Variants in GBE1 observed in about 807,000 individuals in gnomAD.
GBE1 encodes 1,4-alpha-glucan-branching enzyme.
In GBE1, 70 loss-of-function variants were observed where a neutral mutation model predicts 88.8. The observed-to-expected ratio is 0.79, with a 90% CI of 0.65 to 0.96. The LOEUF is 0.96. Ranked by LOEUF, GBE1 falls within the 40% of genes least tolerant of loss-of-function variation. The pLI is 0.00. For synonymous variants in GBE1, 284 were observed against 300.1 expected (o/e 0.95, Z 0.56); for missense variants, 872 against 871.0 (o/e 1.00, Z -0.01).
chr3:81,691,142 A>G (rs1705513010), intron 2 of GBE1, among the ~76,000 whole-genome samples: 1 of 152,142 alleles, frequency 6.6e-6, no homozygotes, highest in Non-Finnish European at 1.5e-5. Context: ...GCCTAACATG[A>G]CCATGCCTTC....
rs115182479 is a variant in GBE1 at position 81,547,859 on chromosome 3, G to A, written c.1619-10764C>T. 4.7e-3 allele frequency among the ~76,000 whole-genome samples: 707 copies of A among 151,424 alleles called. 13 individuals are homozygous for A. The highest frequency in any genetic ancestry group is 0.015 in the African/African-American group (640 of 41,424). On this transcript the variant is annotated intron_variant, in intron 12 of 15. Coordinates refer to ENST00000429644, the MANE Select transcript of GBE1 (RefSeq NM_000158.4). ...TATCTTAGGATAGAATGTTGGCCTA[G>A]GACACCATAAGCTTGCTGTTCAAAA...
At chr3:81,585,314 C>A (rs769026727) in intron 10 of GBE1, among the ~76,000 whole-genome samples, 4 of 151,974 alleles carry the variant, frequency 2.6e-5, no homozygotes, top group Non-Finnish European at 5.9e-5. Context: ...CAAAATTAAG[C>A]CCTTCTACAA....
At chr3:81,712,859 C>A (rs1705889045) in intron 1 of GBE1, among the ~76,000 whole-genome samples, 2 of 151,840 alleles carry the variant, frequency 1.3e-5, no homozygotes, top group South Asian at 4.2e-4. Context: ...AAAAAGACTG[C>A]ATGTGTCTCA....
Position 81,705,408 on chromosome 3 carries a change from A to G in GBE1, c.313+36T>C, listed in dbSNP as rs370014810. 10 of 1,350,956 alleles carry G rather than the reference A, an allele frequency of 7.4e-6. No homozygotes were observed. In the African/African-American group the frequency reaches 1.5e-4, roughly 20 times the overall value. 83.7% of individuals were successfully genotyped at this position (1,350,956 alleles called of 1,614,324 possible). On this transcript the variant is annotated intron_variant, in intron 2 of 15. Coordinates refer to ENST00000429644, the MANE Select transcript of GBE1 (RefSeq NM_000158.4). ...ATATATGTATTAAATAGTTAATAAG[A>G]TATTACTATTTAGTTCAATGCTTTC... is the stretch of plus-strand genomic sequence containing the variant.
chr3:81,542,219 T>C (rs1259313264), intron 12 of GBE1, among the ~76,000 whole-genome samples: 2 of 152,136 alleles, frequency 1.3e-5, no homozygotes, highest in South Asian at 2.1e-4. Flanking sequence ...TGCATCTCCA[T>C]GATGGTATTC....
At chr3:81,531,041 T>C (rs886308627) in intron 14 of GBE1, among the ~76,000 whole-genome samples, 1 of 150,624 alleles carries the variant, frequency 6.6e-6, no homozygotes, top group African/African-American at 2.4e-5. Context: ...TTGCAAGCAA[T>C]GTCCCTTTCA....
At chr3:81,609,532 A>C (rs1398569148) in intron 7 of GBE1, among the ~76,000 whole-genome samples, 1 of 152,084 alleles carries the variant, frequency 6.6e-6, no homozygotes, top group Non-Finnish European at 1.5e-5. Context: ...CTTATTTTCT[A>C]ATGTTTGCTC....
intron 1 of GBE1, among the ~76,000 whole-genome samples, chr3:81,724,588 C>T (rs1366030632): frequency 6.6e-6 from 1 of 151,986 alleles, no homozygotes; most frequent in Non-Finnish European, 1.5e-5. Flanking sequence ...TTTCTATTTC[C>T]CGTTTCCACA....
intron 3 of GBE1, among the ~76,000 whole-genome samples, chr3:81,663,652 T>A (rs183954889): frequency 1.5e-3 from 223 of 151,466 alleles, no homozygotes; most frequent in African/African-American, 5.2e-3. Context: ...GGGCAGAGGG[T>A]CTAATTGAGC....
At chr3:81,600,719 T>C (rs1189178578) in intron 7 of GBE1, among the ~76,000 whole-genome samples, 3 of 152,070 alleles carry the variant, frequency 2.0e-5, no homozygotes, top group Non-Finnish European at 4.4e-5. Context: ...ATAATGTATA[T>C]AAAGATGCAG....
chr3:81,563,668 C>T (rs989841369), intron 12 of GBE1, among the ~76,000 whole-genome samples: 3 of 151,920 alleles, frequency 2.0e-5, no homozygotes, highest in Non-Finnish European at 4.4e-5. Flanking sequence ...CTGGGGCTCA[C>T]GGTTAGAAAA....
intron 7 of GBE1, among the ~76,000 whole-genome samples, chr3:81,613,653 G>T (rs569041000): frequency 6.6e-6 from 1 of 152,206 alleles, no homozygotes; most frequent in East Asian, 1.9e-4. Flanking sequence ...TTCTCCTTTG[G>T]CATGTTTAAT....
intron 7 of GBE1, among the ~76,000 whole-genome samples, chr3:81,620,495 T>G (rs1704312104): frequency 6.6e-6 from 1 of 152,172 alleles, no homozygotes; most frequent in Non-Finnish European, 1.5e-5. Context: ...GCAGACCATC[T>G]TGTTTTAATA....
At chr3:81,618,355 T>G (rs961722174) in intron 7 of GBE1, among the ~76,000 whole-genome samples, 8 of 152,104 alleles carry the variant, frequency 5.3e-5, no homozygotes, top group Non-Finnish European at 8.8e-5. Context: ...CAATGATCAT[T>G]CTCTAGGACT....
intron 2 of GBE1, among the ~76,000 whole-genome samples, chr3:81,692,795 A>G (rs1408609679): frequency 6.6e-6 from 1 of 152,232 alleles, no homozygotes; most frequent in Non-Finnish European, 1.5e-5. Flanking sequence ...GAAAGGTTAA[A>G]GCAATCTACT....
chr3:81,654,032 TAACA>T (rs1219456029), intron 3 of GBE1, among the ~76,000 whole-genome samples: 2 of 152,080 alleles, frequency 1.3e-5, no homozygotes, highest in Non-Finnish European at 2.9e-5. Flanking sequence ...AAATACAACT[TAACA>T]AAATATATCA....
At chr3:81,751,554 G>C (rs1040257537) in intron 1 of GBE1, among the ~76,000 whole-genome samples, 5 of 152,240 alleles carry the variant, frequency 3.3e-5, no homozygotes, top group Admixed American at 1.3e-4. Context: ...GCTAGCACGT[G>C]TTCCAGCTAG....
At chr3:81,573,359 C>T (rs552236977) in intron 12 of GBE1, among the ~76,000 whole-genome samples, 2 of 152,260 alleles carry the variant, frequency 1.3e-5, no homozygotes, top group East Asian at 3.9e-4. Flanking sequence ...ACATAACTTT[C>T]CTGTGGCTTC....
At chr3:81,658,191 C>CT (rs1288249431) in intron 3 of GBE1, among the ~76,000 whole-genome samples, 1 of 151,860 alleles carries the variant, frequency 6.6e-6, no homozygotes, top group East Asian at 1.9e-4. Context: ...AAGGGTTTCT[C>CT]TAACAAAAAT....
Sources: allele counts gnomAD v4.1 joint callset (sites outside exome capture counted in the v4.1 genomes callset), GRCh38; gene constraint gnomAD v4.1.1; transcripts MANE v1.5; gene names NCBI Gene and HGNC (gene_info 2026-07-23, HGNC 2026-07-21).